PREX1: variants seen among roughly 807,000 people sequenced by gnomAD.
PREX1 encodes phosphatidylinositol-3,4,5-trisphosphate dependent Rac exchange factor 1, also known as phosphatidylinositol 3,4,5-trisphosphate-dependent Rac exchanger 1 protein.
A neutral mutation model predicts 198.3 loss-of-function variants in PREX1; 41 were observed. The ratio of observed to expected loss-of-function variants is 0.21; its 90% confidence interval spans 0.16 to 0.27. The LOEUF is 0.27. PREX1 is among the 10% of genes least tolerant of loss of function. The pLI is 1.00. For synonymous variants in PREX1, 843 were observed against 887.2 expected (o/e 0.95, Z 0.89); for missense variants, 1,620 against 2,200.7 (o/e 0.74, Z 5.28).
intron 1 of PREX1, among the ~76,000 whole-genome samples, chr20:48,826,549 C>T (rs1441763260): frequency 6.6e-6 from 1 of 152,220 alleles, no homozygotes; most frequent in African/African-American, 2.4e-5. Flanking sequence ...TGGAGCTAAA[C>T]TTTCCCAATC....
the PREX1 span, among the ~76,000 whole-genome samples, chr20:48,862,986 A>G: frequency 6.6e-6 from 1 of 150,962 alleles, no homozygotes; most frequent in African/African-American, 2.4e-5. Context: ...CACCACATCC[A>G]ACTCATTTTT....
intron 10 of PREX1, 42 bp downstream of exon 10, chr20:48,688,615 G>GA (rs1568824921): frequency 6.8e-6 from 11 of 1,612,050 alleles, no homozygotes; most frequent in Middle Eastern, 1.6e-4. Flanking sequence ...ACCTCCAGCT[G>GA]AGAGCCCAGG....
intron 3 of PREX1, among the ~76,000 whole-genome samples, chr20:48,741,417 C>T (rs908768614): frequency 3.9e-5 from 6 of 151,940 alleles, no homozygotes; most frequent in South Asian, 4.1e-4. Context: ...TGGAGTGCAG[C>T]GGCATGATCT....
intron 10 of PREX1, among the ~76,000 whole-genome samples, chr20:48,686,210 T>G (rs2089783636): frequency 6.6e-6 from 1 of 152,058 alleles, no homozygotes; most frequent in East Asian, 1.9e-4. Context: ...GATCAATATC[T>G]CGGAGGCTAC....
At chr20:48,631,117 T>C (rs1162411112) in intron 35 of PREX1, among the ~76,000 whole-genome samples, 3 of 152,196 alleles carry the variant, frequency 2.0e-5, no homozygotes, top group Non-Finnish European at 4.4e-5. Context: ...TGGCATCTCA[T>C]GGCTCTGGGC....
At position 48,691,038 on chromosome 20, in the gene PREX1, G is replaced by A. The variant is rs762285895; in HGVS notation, c.1095C>T (p.Ala365=). 2 of 1,614,070 alleles carry A rather than the reference G, an allele frequency of 1.2e-6. No individual in the cohort carries two copies. The highest frequency in any genetic ancestry group is 1.3e-5 in the African/African-American group (1 of 74,920). ...CCATGCAGACAAACCACTTATTCTT[G>A]GCCGTGTTGTGGATCTTCCAGCCGT... ...VTNGWKIHNT[A]KNKWFVCMAK... Residue 365 remains alanine (A), a synonymous_variant, in exon 9 of 40, where the codon GCC becomes GCT. Coordinates refer to ENST00000371941, the MANE Select transcript of PREX1 (RefSeq NM_020820.4). This position sits in a 1 kb window ranked among gnomAD's most constrained non-coding sequence, Gnocchi z 5.0.
At chr20:48,845,221 C>T in the PREX1 span, among the ~76,000 whole-genome samples, 1 of 152,160 alleles carries the variant, frequency 6.6e-6, no homozygotes, top group East Asian at 1.9e-4. Context: ...GCTTATATTT[C>T]CGGTTAGAGG....
Position 48,653,505 on chromosome 20 carries a change from G to A in PREX1, c.2210-8C>T. 1 of 1,602,756 alleles carries A rather than the reference G, an allele frequency of 6.2e-7. No homozygotes were observed. Among genetic ancestry groups the A allele is most frequent in the Non-Finnish European group, 8.5e-7 (1 of 1,172,434 alleles). On this transcript the variant is annotated splice_polypyrimidine_tract_variant and splice_region_variant and intron_variant, in intron 19 of 39. Coordinates refer to ENST00000371941, the MANE Select transcript of PREX1 (RefSeq NM_020820.4). The stretch of plus-strand genomic sequence containing the variant: ...CAGCCATGGCCTCAGAGCCTAAGGG[G>A]AACAGGAGCACATGAGGCTGGATGC...
chr20:48,855,720 G>A, the PREX1 span, among the ~76,000 whole-genome samples: 1 of 152,284 alleles, frequency 6.6e-6, no homozygotes, highest in African/African-American at 2.4e-5. Context: ...CCAACATGGC[G>A]AAACCCCATC....
chr20:48,828,600 G>C (rs2090524368), upstream of PREX1, among the ~76,000 whole-genome samples: 1 of 150,886 alleles, frequency 6.6e-6, no homozygotes, highest in Admixed American at 6.6e-5. Flanking sequence ...CGGTGCCCTC[G>C]GTGCTACCAC....
rs1203526584 is a variant in PREX1 at position 48,748,750 on chromosome 20, C to T, written c.220-870G>A. On this transcript the variant is annotated intron_variant, in intron 1 of 39. Transcript: ENST00000371941. ...CAGGAGTGACAGGGGCTGCGGGAGC[C>T]GAGGGTGCACCATTCATGTGGGGTC... 2.6e-5 allele frequency among the ~76,000 whole-genome samples: 4 copies of T among 152,250 alleles called. No homozygotes were observed. The East Asian group carries it at 5.8e-4, about 22-fold the overall frequency.
At chr20:48,685,215 G>A (rs1483020683) in intron 10 of PREX1, among the ~76,000 whole-genome samples, 1 of 152,210 alleles carries the variant, frequency 6.6e-6, no homozygotes, top group East Asian at 1.9e-4. Context: ...GTGGGTGAAT[G>A]AATGAGTGAA....
At chr20:48,795,477 G>C (rs1288025301) in intron 1 of PREX1, among the ~76,000 whole-genome samples, 1 of 151,474 alleles carries the variant, frequency 6.6e-6, no homozygotes, top group Non-Finnish European at 1.5e-5. Context: ...CACAACTGAG[G>C]AGGAGGGTGC....
intron 7 of PREX1, among the ~76,000 whole-genome samples, chr20:48,694,055 G>A (rs1206291447): frequency 2.6e-5 from 4 of 152,062 alleles, no homozygotes; most frequent in South Asian, 2.1e-4. Context: ...GGGACTACAC[G>A]CATGTGCCAC....
chr20:48,680,525 C>T (rs191676082), intron 11 of PREX1, among the ~76,000 whole-genome samples: 25 of 152,278 alleles, frequency 1.6e-4, no homozygotes, highest in Admixed American at 1.0e-3. Context: ...GCCCTGTGCC[C>T]TCTGACCTCG....
chr20:48,670,030 A>ATCAC (rs983057456), intron 14 of PREX1, among the ~76,000 whole-genome samples: 1 of 152,136 alleles, frequency 6.6e-6, no homozygotes, highest in Non-Finnish European at 1.5e-5. Flanking sequence ...CCTGGAGACA[A>ATCAC]TCACTCTTAT....
chr20:48,837,426 C>T, the PREX1 span, among the ~76,000 whole-genome samples: 3 of 152,206 alleles, frequency 2.0e-5, no homozygotes, highest in African/African-American at 7.2e-5. Flanking sequence ...AACCTGAATG[C>T]CCATCAGTGG....
At chr20:48,841,198 C>T in the PREX1 span, among the ~76,000 whole-genome samples, 35 of 151,990 alleles carry the variant, frequency 2.3e-4, no homozygotes, top group Admixed American at 1.6e-3. Flanking sequence ...CTTGGATTAC[C>T]GATGGGAGCC....
chr20:48,745,563 G>A (rs2090103792), intron 2 of PREX1, among the ~76,000 whole-genome samples: 1 of 152,182 alleles, frequency 6.6e-6, no homozygotes, highest in Non-Finnish European at 1.5e-5. Flanking sequence ...TCCAGCTACA[G>A]GACGATGTTG....
Sources: gnomAD v4.1 joint callset for allele counts (sites outside exome capture counted in the v4.1 genomes callset) on GRCh38, gnomAD v4.1.1 for gene constraint, Gnocchi (gnomAD v3.1) non-coding constraint, MANE v1.5 for transcripts, NCBI Gene and HGNC (gene_info 2026-07-23, HGNC 2026-07-21) for gene names.